The following IL19 variants were observed in gnomAD, a reference collection of about 807,000 sequenced individuals.
IL19 encodes the protein interleukin 19.
IL19 carries 15 observed loss-of-function variants against 19.5 expected under a neutral mutation model. That is an observed-to-expected ratio of 0.77 (90% CI 0.52 to 1.19). The LOEUF (loss-of-function observed/expected upper bound fraction) is 1.19. Among genes scored for constraint, IL19 ranks in the 50% most tolerant of loss-of-function variants. The pLI, the probability that IL19 is intolerant of heterozygous loss-of-function variation, is 0.00. For missense variants in IL19, 199 were observed against 213.1 expected (o/e 0.93, Z 0.41); for synonymous variants, 78 against 78.3 (o/e 1.00, Z 0.02).
chr1:206,780,500 C>T (rs1459676275), intron 1 of IL19, among the ~76,000 whole-genome samples: 1 of 152,168 alleles, frequency 6.6e-6, no homozygotes, highest in Non-Finnish European at 1.5e-5. Context: ...TATGCCTATA[C>T]CTATTATAGC....
intron 1 of IL19, among the ~76,000 whole-genome samples, chr1:206,789,827 A>G (rs1274771381): frequency 6.6e-6 from 1 of 152,086 alleles, no homozygotes; most frequent in Admixed American, 6.5e-5. Context: ...AACATGTGGC[A>G]TTTGGTTTTC....
chr1:206,785,763 C>A (rs1464007267), intron 1 of IL19, among the ~76,000 whole-genome samples: 2 of 152,132 alleles, frequency 1.3e-5, no homozygotes, highest in Non-Finnish European at 2.9e-5. Context: ...TCTCATAGAC[C>A]CCCAGCTCCC....
intron 2 of IL19, among the ~76,000 whole-genome samples, chr1:206,827,543 AG>A (rs1676467316): frequency 6.6e-6 from 1 of 152,074 alleles, no homozygotes; most frequent in Non-Finnish European, 1.5e-5. Context: ...ACAAAAAATT[AG>A]CCAGGCGAGG....
intron 2 of IL19, among the ~76,000 whole-genome samples, chr1:206,822,499 T>C (rs1447628102): frequency 1.3e-5 from 2 of 152,232 alleles, no homozygotes; most frequent in Non-Finnish European, 2.9e-5. Context: ...TCTCCATGGG[T>C]CTGGATCTCA....
chr1:206,814,718 AC>A (rs1558615966), intron 2 of IL19, among the ~76,000 whole-genome samples: 19 of 151,668 alleles, frequency 1.3e-4, no homozygotes, highest in African/African-American at 4.6e-4. Flanking sequence ...ACACACACAC[AC>A]ACACACAATT....
rs1468378333 is a variant in IL19, at chr1:206,829,759, C to A, written c.-2-6902C>A. 2.0e-5 allele frequency among the ~76,000 whole-genome samples: 3 copies of A among 152,178 alleles called. No individual in the cohort carries two copies. In the East Asian group the frequency reaches 5.8e-4, roughly 29 times the overall value. The stretch of plus-strand genomic sequence containing the variant: ...TTGGGCTCTTTCCATTACTATCCCT[C>A]CATCCCATCACCACTGGGGCTCTTT... On this transcript the variant is annotated intron_variant, in intron 2 of 6. Coordinates refer to ENST00000659997, the MANE Select transcript of IL19 (RefSeq NM_153758.5).
At chr1:206,834,260 A>C in intron 2 of IL19, 1 of 985,506 alleles carries the variant, frequency 1.0e-6, no homozygotes, top group African/African-American at 1.7e-5. Flanking sequence ...GGGAAAAAAC[A>C]ATCTCCCCAA....
At chr1:206,836,562 G>A (rs1175167097) in intron 2 of IL19, 99 bp from the exon 3 acceptor site, 9 of 1,115,882 alleles carry the variant, frequency 8.1e-6, no homozygotes, top group South Asian at 7.6e-5. Flanking sequence ...TATTCCTCCC[G>A]GCTTGCCTTC....
intron 1 of IL19, among the ~76,000 whole-genome samples, chr1:206,784,552 T>A (rs1675222046): frequency 6.6e-6 from 1 of 152,168 alleles, no homozygotes; most frequent in South Asian, 2.1e-4. Context: ...CCCAGCACTT[T>A]GAGGTTGCAG....
chr1:206,785,639 C>T (rs1176400792), intron 1 of IL19, among the ~76,000 whole-genome samples: 2 of 152,196 alleles, frequency 1.3e-5, no homozygotes. Context: ...AGAGGGCAGC[C>T]AGGGAGAGGG....
intron 2 of IL19, among the ~76,000 whole-genome samples, chr1:206,802,105 A>G (rs999912255): frequency 2.6e-5 from 4 of 152,220 alleles, no homozygotes; most frequent in Non-Finnish European, 5.9e-5. Flanking sequence ...GCATCAGTGA[A>G]TGCACCAGGC....
In IL19 at chr1:206,772,257, G is replaced by A. The variant is rs749203652; in HGVS notation, c.-149+1179G>A. ...CCCAGGAAGAGAGAAAGGACAGGAA[G>A]GAATCATACTCACAAAGAAAGTCTT... On this transcript the variant is annotated intron_variant, in intron 1 of 6. Transcript: ENST00000659997. 33 of 1,611,480 alleles carry A rather than the reference G, an allele frequency of 2.0e-5. No homozygotes were observed. Among genetic ancestry groups the A allele is most frequent in the Non-Finnish European group, 2.8e-5 (33 of 1,177,752 alleles).
intron 1 of IL19, among the ~76,000 whole-genome samples, chr1:206,771,585 C>T (rs1674844414): frequency 6.6e-6 from 1 of 151,942 alleles, no homozygotes. Flanking sequence ...GTGATGGGAC[C>T]ATCACTTAAA....
Position 206,839,894 on chromosome 1 carries a change from C to T in IL19, c.255C>T (p.Tyr85=), listed in dbSNP as rs143520689. ...TGACCAAGAACCTCCTGGCGTTCTA[C>T]GTGGACAGGGTGTTCAAGGATCATC... The part of the protein sequence containing the change: ...CCVTKNLLAF[Y]VDRVFKDHQE... The change falls in exon 5 of 7, where the codon TAC becomes TAT. Residue 85 remains tyrosine (Y), a synonymous_variant. Transcript: ENST00000659997. 200 of 1,614,026 alleles carry T rather than the reference C, an allele frequency of 1.2e-4. No individual in the cohort carries two copies. Among genetic ancestry groups the T allele is most frequent in the Middle Eastern group, 3.3e-4 (2 of 6,060 alleles).
chr1:206,778,343 G>A (rs1383192357), intron 1 of IL19, among the ~76,000 whole-genome samples: 1 of 152,178 alleles, frequency 6.6e-6, no homozygotes, highest in African/African-American at 2.4e-5. Flanking sequence ...GACACCAGGT[G>A]TTTGAGCCTT....
chr1:206,790,953 T>C (rs1479793969), intron 1 of IL19, among the ~76,000 whole-genome samples: 2 of 152,338 alleles, frequency 1.3e-5, no homozygotes, highest in Middle Eastern at 3.4e-3. Flanking sequence ...ACCTTTGATA[T>C]CTTTCTTCAT....
chr1:206,836,681 T>G lies in IL19; in HGVS notation c.19T>G (p.Ser7Ala). Residue 7 changes from serine to alanine, a missense_variant, in exon 3 of 7, where the codon TCC (serine) becomes GCC (alanine). Transcript: ENST00000659997. ...TGCAGGCATGAAGTTACAGTGTGTT[T>G]CCCTTTGGCTCCTGGGTACAATACT... MKLQCV[S>A]LWLLGTILIL... The G allele has an allele frequency of 6.2e-7, 1 of 1,611,270 alleles. No individual in the cohort carries two copies. Among genetic ancestry groups the G allele is most frequent in the African/African-American group, 1.3e-5 (1 of 74,884 alleles).
At chr1:206,840,136 G>T (rs1183885008) in intron 5 of IL19, 134 bp downstream of exon 5, 8 of 960,024 alleles carry the variant, frequency 8.3e-6, no homozygotes, top group Non-Finnish European at 1.3e-5. Flanking sequence ...TCCACAGGGA[G>T]AACTGTGGAG....
At position 206,839,847 on chromosome 1, in the gene IL19, T is replaced by C; in HGVS notation, c.211-3T>C. 2 of 1,607,812 alleles carry C rather than the reference T, an allele frequency of 1.2e-6. No individual in the cohort carries two copies. The highest frequency in any genetic ancestry group is 2.2e-5 in the East Asian group (1 of 44,818). On this transcript the variant is annotated splice_region_variant and splice_polypyrimidine_tract_variant and intron_variant, in intron 4 of 6. Transcript: ENST00000659997. ...CTAGTGTTTCCCTAATTTGTGTTTG[T>C]AGCCCTTAGATGTGTGCTGCGTGAC...
Sources: allele counts gnomAD v4.1 joint callset (sites outside exome capture counted in the v4.1 genomes callset), GRCh38; gene constraint gnomAD v4.1.1; transcripts MANE v1.5; gene names NCBI Gene and HGNC (gene_info 2026-07-23, HGNC 2026-07-21).